Variants in CACNG2 observed in about 807,000 individuals in gnomAD.
CACNG2 encodes the protein calcium voltage-gated channel auxiliary subunit gamma 2.
In CACNG2, 3 loss-of-function variants were observed where a neutral mutation model predicts 25.9. That is an observed-to-expected ratio of 0.12 (90% CI 0.05 to 0.30). The LOEUF is 0.30. Ranked by LOEUF, CACNG2 falls within the 10% of genes least tolerant of loss-of-function variation. The pLI, the probability that CACNG2 is intolerant of heterozygous loss-of-function variation, is 1.00. For missense variants in CACNG2, 341 were observed against 432.5 expected (o/e 0.79, Z 1.88); for synonymous variants, 167 against 173.3 (o/e 0.96, Z 0.29).
At position 36,647,489 on chromosome 22, in the gene CACNG2, G is replaced by A. The variant is rs562840300; in HGVS notation, c.211+54877C>T. ...CAGGCTCCTATAATCCCAGCTACTCGGGAGGCTGAGGCAGGAGAATCACTT... is the reference window on the plus strand; with the variant it reads ...CAGGCTCCTATAATCCCAGCTACTCAGGAGGCTGAGGCAGGAGAATCACTT... On this transcript the variant is annotated intron_variant, in intron 1 of 3. Coordinates refer to ENST00000300105, the MANE Select transcript of CACNG2 (RefSeq NM_006078.5). 4.7e-4 allele frequency among the ~76,000 whole-genome samples: 71 copies of A among 152,144 alleles called. 2 individuals are homozygous for A. In the South Asian group the frequency reaches 0.013, roughly 28 times the overall value.
intron 2 of CACNG2, among the ~76,000 whole-genome samples, chr22:36,567,995 G>A (rs543035688): frequency 1.7e-4 from 26 of 152,142 alleles, no homozygotes; most frequent in African/African-American, 5.3e-4. Context: ...GACTACAGGC[G>A]TGTACCACCA....
intron 1 of CACNG2, among the ~76,000 whole-genome samples, chr22:36,677,517 T>C (rs1351855977): frequency 6.6e-6 from 1 of 152,182 alleles, no homozygotes; most frequent in Non-Finnish European, 1.5e-5. Context: ...GCTTATCTCA[T>C]TAATCACAGT....
At chr22:36,624,843 C>T (rs967121773) in intron 1 of CACNG2, among the ~76,000 whole-genome samples, 2 of 152,026 alleles carry the variant, frequency 1.3e-5, no homozygotes, top group African/African-American at 4.8e-5. Context: ...TCCTGGCCAA[C>T]ATGGTGAAAC....
intron 1 of CACNG2, among the ~76,000 whole-genome samples, chr22:36,663,559 T>C (rs1455757157): frequency 6.6e-6 from 1 of 152,220 alleles, no homozygotes; most frequent in Non-Finnish European, 1.5e-5. Context: ...GAAAAACGAC[T>C]CTTTCCCTTT....
At chr22:36,611,585 G>A (rs1935940519) in intron 1 of CACNG2, among the ~76,000 whole-genome samples, 1 of 152,176 alleles carries the variant, frequency 6.6e-6, no homozygotes, top group Non-Finnish European at 1.5e-5. Flanking sequence ...TCAAATATGA[G>A]TTGATAAAAT....
chr22:36,586,943 G>A (rs200656872), intron 2 of CACNG2, among the ~76,000 whole-genome samples: 1 of 150,676 alleles, frequency 6.6e-6, no homozygotes. Flanking sequence ...TGCGGGGGAA[G>A]AAAAAATCTC....
At chr22:36,662,117 T>C (rs1219831295) in intron 1 of CACNG2, among the ~76,000 whole-genome samples, 2 of 151,882 alleles carry the variant, frequency 1.3e-5, no homozygotes, top group African/African-American at 2.4e-5. Flanking sequence ...TAGCTGGGAT[T>C]ATAGGCACAC....
At chr22:36,675,420 C>T (rs1937007776) in intron 1 of CACNG2, among the ~76,000 whole-genome samples, 1 of 152,162 alleles carries the variant, frequency 6.6e-6, no homozygotes, top group Non-Finnish European at 1.5e-5. Flanking sequence ...TTTCCTGACC[C>T]AATAGTCAAG....
At chr22:36,643,500 C>A (rs898317751) in intron 1 of CACNG2, among the ~76,000 whole-genome samples, 11 of 151,720 alleles carry the variant, frequency 7.3e-5, no homozygotes, top group Admixed American at 5.2e-4. Context: ...ATCTATCTAT[C>A]TATCTATCTA....
chr22:36,611,179 G>T (rs1935934020), intron 1 of CACNG2, among the ~76,000 whole-genome samples: 1 of 152,176 alleles, frequency 6.6e-6, no homozygotes, highest in South Asian at 2.1e-4. Flanking sequence ...TCAAGGGACT[G>T]CGGGGGCTGG....
At chr22:36,576,232 T>G (rs1935310471) in intron 2 of CACNG2, among the ~76,000 whole-genome samples, 1 of 152,218 alleles carries the variant, frequency 6.6e-6, no homozygotes, top group South Asian at 2.1e-4. Flanking sequence ...TGCAGCAACC[T>G]GGGTGAGATC....
intron 1 of CACNG2, among the ~76,000 whole-genome samples, chr22:36,609,130 G>A (rs1271383731): frequency 6.6e-6 from 1 of 151,982 alleles, no homozygotes; most frequent in African/African-American, 2.4e-5. Context: ...CCCCTAGAGT[G>A]TGATCGGGCA....
At chr22:36,570,833 T>A (rs969933624) in intron 2 of CACNG2, among the ~76,000 whole-genome samples, 1 of 151,128 alleles carries the variant, frequency 6.6e-6, no homozygotes, top group Non-Finnish European at 1.5e-5. Context: ...CCACTAGACT[T>A]GGCAGGGCCC....
At chr22:36,657,387 A>C (rs2145980571) in intron 1 of CACNG2, among the ~76,000 whole-genome samples, 1 of 152,258 alleles carries the variant, frequency 6.6e-6, no homozygotes, top group African/African-American at 2.4e-5. Flanking sequence ...ATCCGGCCTC[A>C]AAGGAAAACA....
Position 36,564,998 on chromosome 22 carries a change from C to G in CACNG2, c.437-112G>C, listed in dbSNP as rs371714065. ...CGGGGACAGCTGTGTGGGCCTTCCCCGGTCCCGCGCCTTCATGAACAGGTG... is the reference window on the plus strand; with the variant it reads ...CGGGGACAGCTGTGTGGGCCTTCCCGGGTCCCGCGCCTTCATGAACAGGTG... On this transcript the variant is annotated intron_variant, in intron 3 of 3. Coordinates refer to ENST00000300105, the MANE Select transcript of CACNG2 (RefSeq NM_006078.5). This position sits in a 1 kb window ranked among gnomAD's most constrained non-coding sequence, Gnocchi z 6.7. 2.8e-4 allele frequency: 254 copies of G among 908,646 alleles called. 1 individual carries two copies. The Middle Eastern group carries it at 7.1e-3, about 26-fold the overall frequency. The allele number at this position is 908,646 out of a possible 1,614,324, so 56.3% of individuals were successfully genotyped here. A position where few individuals can be genotyped will look rare whatever the true frequency, so the allele number is the denominator to read the frequency against.
At chr22:36,567,771 A>T (rs1603500262) in intron 2 of CACNG2, among the ~76,000 whole-genome samples, 1 of 152,190 alleles carries the variant, frequency 6.6e-6, no homozygotes, top group Non-Finnish European at 1.5e-5. Flanking sequence ...CTCAGGACCC[A>T]GCTCCGTGTC....
intron 1 of CACNG2, among the ~76,000 whole-genome samples, chr22:36,685,380 C>A (rs1039072149): frequency 1.3e-5 from 2 of 152,186 alleles, no homozygotes; most frequent in African/African-American, 4.8e-5. Context: ...TGCCACCTCG[C>A]TATGCTGAGC....
At chr22:36,679,343 C>A (rs1380808323) in intron 1 of CACNG2, among the ~76,000 whole-genome samples, 2 of 151,996 alleles carry the variant, frequency 1.3e-5, no homozygotes, top group Non-Finnish European at 2.9e-5. Flanking sequence ...TGGGCAGGAG[C>A]AAATGTACCG....
intron 1 of CACNG2, among the ~76,000 whole-genome samples, chr22:36,685,105 C>T (rs1937178158): frequency 6.6e-6 from 1 of 152,182 alleles, no homozygotes; most frequent in Non-Finnish European, 1.5e-5. Context: ...ATCCATGCCC[C>T]GCCTGGTTTC....
Sources: allele counts gnomAD v4.1 joint callset (sites outside exome capture counted in the v4.1 genomes callset), GRCh38; gene constraint gnomAD v4.1.1; non-coding constraint Gnocchi (gnomAD v3.1); transcripts MANE v1.5; gene names NCBI Gene and HGNC (gene_info 2026-07-23, HGNC 2026-07-21).